Variants in PLEKHM1 observed in about 807,000 individuals in gnomAD.
The protein encoded by PLEKHM1 is pleckstrin homology and RUN domain containing M1, also known as pleckstrin homology domain-containing family M member 1.
Under a neutral mutation model 94.3 loss-of-function variants are expected in PLEKHM1, and 28 were observed. That is an observed-to-expected ratio of 0.30 (90% CI 0.22 to 0.41). The LOEUF (loss-of-function observed/expected upper bound fraction) is 0.41. Among genes scored for constraint, PLEKHM1 ranks in the 10% least tolerant of loss-of-function variants. The probability of loss-of-function intolerance (pLI) is 1.00; values close to 1 mark genes in which losing one functional copy is unlikely to be tolerated. For synonymous variants in PLEKHM1, 424 were observed against 581.2 expected, an observed-to-expected ratio of 0.73 and a Z score of 3.89; for missense variants, 907 against 1,358.6, an observed-to-expected ratio of 0.67 and a Z score of 5.22.
intron 1 of PLEKHM1, among the ~76,000 whole-genome samples, chr17:45,488,201 C>T (rs548953527): frequency 1.3e-5 from 2 of 152,270 alleles, no homozygotes; most frequent in South Asian, 2.1e-4. Context: ...TTCTTTCCTC[C>T]CTCCTTCCTT....
In PLEKHM1 at chr17:45,475,364, A is replaced by T; in HGVS notation, c.659T>A (p.Leu220Gln). The change falls in exon 4 of 12, where the codon CTG becomes CAG. Residue 220 changes from leucine (L) to glutamine (Q), a missense_variant. Leu to Gln is a moderately radical substitution (Grantham distance 113). Coordinates refer to ENST00000430334, the MANE Select transcript of PLEKHM1 (RefSeq NM_014798.3). ...GCCTGAAGAATGGGAAATGGAATCC[A>T]GAGATTCCTTCCGCTGTAGTTCTGC... ...SGAELQRKES[L>Q]DSISHSSGSE... 1 of 1,613,958 alleles carries T rather than the reference A, an allele frequency of 6.2e-7. No homozygotes were observed. Among genetic ancestry groups the T allele is most frequent in the South Asian group, 1.1e-5 (1 of 91,078 alleles).
chr17:45,452,053 A>G (rs2050788904), intron 7 of PLEKHM1, among the ~76,000 whole-genome samples: 1 of 152,052 alleles, frequency 6.6e-6, no homozygotes, highest in African/African-American at 2.4e-5. Flanking sequence ...ACAGCTCCCA[A>G]ACCAAGGCTC....
intron 4 of PLEKHM1, among the ~76,000 whole-genome samples, chr17:45,474,391 C>A (rs2145313818): frequency 6.6e-6 from 1 of 152,226 alleles, no homozygotes; most frequent in African/African-American, 2.4e-5. Context: ...GTGAAGAAGG[C>A]TCTGCCCAGT....
At chr17:45,443,276 T>C (rs2050502569) in intron 9 of PLEKHM1, among the ~76,000 whole-genome samples, 1 of 151,834 alleles carries the variant, frequency 6.6e-6, no homozygotes. Context: ...CCCAGGGCCA[T>C]CTGTGGCCCA....
chr17:45,458,159 G>T lies in PLEKHM1; in HGVS notation c.1579+10C>A. 3.1e-6 allele frequency: 5 copies of T among 1,612,620 alleles called. No individual in the cohort carries two copies. Among genetic ancestry groups the T allele is most frequent in the Non-Finnish European group, 3.4e-6 (4 of 1,179,338 alleles). ...GATGGGACCCACCCGGGACCCTCCT[G>T]GTAACCTACCCATCTGTCTCCGGTG... On this transcript the variant is annotated intron_variant, in intron 6 of 11. Coordinates refer to ENST00000430334, the MANE Select transcript of PLEKHM1 (RefSeq NM_014798.3).
intron 8 of PLEKHM1, among the ~76,000 whole-genome samples, chr17:45,447,589 C>CCAGCCAGGCCTCAGCACCAGTGGGT (rs1351419886): frequency 1.0e-3 from 156 of 152,282 alleles, no homozygotes; most frequent in Middle Eastern, 6.8e-3. Flanking sequence ...CCTGCCAGTG[C>CCAGCCAGGCCTCAGCACCAGTGGGT]CAGCCAGGCC....
chr17:45,469,970 G>T (rs951602241), intron 4 of PLEKHM1, among the ~76,000 whole-genome samples: 5 of 152,152 alleles, frequency 3.3e-5, no homozygotes. Context: ...CTACTCAGGA[G>T]GCTGAGGCAG....
At chr17:45,442,647 C>A (rs184104647) in intron 9 of PLEKHM1, among the ~76,000 whole-genome samples, 1 of 152,332 alleles carries the variant, frequency 6.6e-6, no homozygotes, top group Non-Finnish European at 1.5e-5. Flanking sequence ...GTAGGTGATC[C>A]AACCACCTTG....
At chr17:45,462,515 TG>T (rs2051181709) in intron 5 of PLEKHM1, among the ~76,000 whole-genome samples, 2 of 151,958 alleles carry the variant, frequency 1.3e-5, no homozygotes, top group South Asian at 4.1e-4. Context: ...CGCCTCTGCC[TG>T]GAAGCTTCTC....
chr17:45,457,460 T>C (rs1004026206), intron 6 of PLEKHM1, among the ~76,000 whole-genome samples: 2 of 151,064 alleles, frequency 1.3e-5, no homozygotes, highest in African/African-American at 4.9e-5. Context: ...CTCGGGTGGC[T>C]AAAGCAGAAG....
Position 45,440,150 on chromosome 17 carries a change from A to G in PLEKHM1, c.2901+13T>C. 6.2e-7 allele frequency: 1 copy of G among 1,611,800 alleles called. No homozygotes were observed. Among genetic ancestry groups the G allele is most frequent in the Non-Finnish European group, 8.5e-7 (1 of 1,177,896 alleles). On this transcript the variant is annotated intron_variant, in intron 10 of 11. Coordinates refer to ENST00000430334, the MANE Select transcript of PLEKHM1 (RefSeq NM_014798.3). The stretch of plus-strand genomic sequence containing the variant: ...CTCTAGAGGTCTGGGCGGGGGAAGC[A>G]TGACACTCTTACCTGTTGGAGGTCA...
rs761878455 is a variant in PLEKHM1 at position 45,475,556 on chromosome 17, C to T, written c.467G>A (p.Arg156Gln). ...GAGGAACTCGCCCTCCTCAGCATCC[C>T]GGAGCAGGGCGGTGGGCTGGTAGTA... ...HEYYQPTALL[R>Q]DAEEGEFLLS... The change falls in exon 4 of 12, where the codon CGG becomes CAG. Residue 156 changes from arginine (R) to glutamine (Q), a missense_variant. Physicochemically the swap from Arg to Gln is conservative, Grantham distance 43 (BLOSUM62 1). This residue lies in a region of PLEKHM1 where 176 missense variants were observed against 306.0 expected (regional missense o/e 0.58). Transcript: ENST00000430334. 19 of 1,612,962 alleles carry T rather than the reference C, an allele frequency of 1.2e-5. No homozygotes were observed. The highest frequency in any genetic ancestry group is 4.5e-5 in the East Asian group (2 of 44,872).
chr17:45,473,562 T>A (rs922091778), intron 4 of PLEKHM1, among the ~76,000 whole-genome samples: 27 of 149,364 alleles, frequency 1.8e-4, no homozygotes, highest in Admixed American at 3.4e-4. Context: ...AAAAATCTTT[T>A]ATTTTTTTTT....
chr17:45,478,165 G>C lies in PLEKHM1; in HGVS notation c.49-18C>G. ...TTGATGACCTAGGCAGCACCACACAGAACACAGGCCTTTAGCGGAAAATCC... is the reference window on the plus strand; with the variant it reads ...TTGATGACCTAGGCAGCACCACACACAACACAGGCCTTTAGCGGAAAATCC... On this transcript the variant is annotated intron_variant, in intron 2 of 11. Transcript: ENST00000430334. 3 of 1,614,130 alleles carry C rather than the reference G, an allele frequency of 1.9e-6. No homozygotes were observed. Among genetic ancestry groups the C allele is most frequent in the Non-Finnish European group, 2.5e-6 (3 of 1,180,034 alleles).
intron 1 of PLEKHM1, among the ~76,000 whole-genome samples, chr17:45,486,543 C>T (rs1166718923): frequency 2.6e-5 from 4 of 151,636 alleles, no homozygotes. Flanking sequence ...CACTGCACCC[C>T]AGCTTGGGCA....
rs772069486 is a variant in PLEKHM1, at chr17:45,475,656, G to A, written c.367C>T (p.Arg123Trp). The change falls in exon 4 of 12, where the codon CGG becomes TGG. Residue 123 changes from arginine (R) to tryptophan (W), a missense_variant. This residue lies in a region of PLEKHM1 where 176 missense variants were observed against 306.0 expected (regional missense o/e 0.58). Coordinates refer to ENST00000430334, the MANE Select transcript of PLEKHM1 (RefSeq NM_014798.3). ...ATCAGGCCATCGTTCAGGGCCAGCCGCAGCCATGCCCGGCAGCGGCCCACA... is the reference window on the plus strand; with the variant it reads ...ATCAGGCCATCGTTCAGGGCCAGCCACAGCCATGCCCGGCAGCGGCCCACA... ...TDVGRCRAWL[R>W]LALNDGLMEC... 9.9e-6 allele frequency: 16 copies of A among 1,613,740 alleles called. No individual in the cohort carries two copies. The highest frequency in any genetic ancestry group is 1.2e-5 in the Non-Finnish European group (14 of 1,179,980).
chr17:45,483,242 G>A (rs1470804158), intron 1 of PLEKHM1, among the ~76,000 whole-genome samples: 2 of 151,974 alleles, frequency 1.3e-5, no homozygotes, highest in African/African-American at 2.4e-5. Context: ...TGCCTGTCAC[G>A]GGGCCTGATA....
At chr17:45,486,016 A>C (rs2052102104) in intron 1 of PLEKHM1, among the ~76,000 whole-genome samples, 1 of 150,806 alleles carries the variant, frequency 6.6e-6, no homozygotes. Flanking sequence ...GGAGATCGAG[A>C]CCATCCTGGC....
At chr17:45,452,490 G>C (rs530136791) in intron 7 of PLEKHM1, among the ~76,000 whole-genome samples, 1 of 151,448 alleles carries the variant, frequency 6.6e-6, no homozygotes, top group Non-Finnish European at 1.5e-5. Context: ...TGTGAGCTCA[G>C]TAGCAGACAC....
Sources: gnomAD v4.1 joint callset for allele counts (sites outside exome capture counted in the v4.1 genomes callset) on GRCh38, gnomAD v4.1.1 for gene constraint, gnomAD v4.1.1 regional missense constraint, MANE v1.5 for transcripts, NCBI Gene and HGNC (gene_info 2026-07-23, HGNC 2026-07-21) for gene names.